Variants in STAG2 observed in about 807,000 individuals in gnomAD.
STAG2 encodes STAG2 cohesin complex component.
Under a neutral mutation model 108.1 loss-of-function variants are expected in STAG2, and 14 were observed. That is an observed-to-expected ratio of 0.13 (90% confidence interval 0.09 to 0.20). The LOEUF (loss-of-function observed/expected upper bound fraction) is 0.20. Among genes scored for constraint, STAG2 ranks in the 10% least tolerant of loss-of-function variants. The pLI is 1.00. For synonymous variants in STAG2, 307 were observed against 302.7 expected, an observed-to-expected ratio of 1.01 and a Z score of -0.15; for missense variants, 440 against 940.9, an observed-to-expected ratio of 0.47 and a Z score of 6.96.
At chrX:124,042,725 G>A (rs2057755633) in intron 7 of STAG2, 80 bp downstream of exon 7, 3 of 749,045 alleles carry the variant, frequency 4.0e-6, no homozygotes, top group Middle Eastern at 3.5e-4. Context: ...TAAATTGTAA[G>A]CATTAGGCTG....
intron 1 of STAG2, among the ~76,000 whole-genome samples, chrX:124,013,343 A>ACACG (rs1186079078): frequency 8.6e-4 from 95 of 111,052 alleles, no homozygotes; most frequent in Middle Eastern, 4.7e-3. Flanking sequence ...ACACACACAC[A>ACACG]CACACGCACA....
At chrX:124,041,975 G>A (rs1388022668) in intron 6 of STAG2, among the ~76,000 whole-genome samples, 1 of 111,179 alleles carries the variant, frequency 9.0e-6, no homozygotes, top group African/African-American at 3.3e-5. Flanking sequence ...CTTTGATTAT[G>A]TACTACTTTT....
At chrX:124,072,904 C>A (rs867456931) in intron 25 of STAG2, among the ~76,000 whole-genome samples, 3 of 72,693 alleles carry the variant, frequency 4.1e-5, no homozygotes, top group African/African-American at 1.7e-4. Flanking sequence ...TTCTTTCTTT[C>A]TTTTTTTTTT....
At chrX:124,034,234 G>A (rs2057435812) in intron 5 of STAG2, among the ~76,000 whole-genome samples, 1 of 111,085 alleles carries the variant, frequency 9.0e-6, no homozygotes, top group African/African-American at 3.3e-5. Flanking sequence ...GTTTCATTAT[G>A]TTGCTCAGGC....
chrX:124,028,989 A>T (rs867593242), intron 4 of STAG2, among the ~76,000 whole-genome samples: 3 of 81,973 alleles, frequency 3.7e-5, no homozygotes, highest in African/African-American at 4.7e-5. Flanking sequence ...TTTTATTTAT[A>T]TATATATATA....
At chrX:124,010,397 A>G (rs186249868) in intron 1 of STAG2, among the ~76,000 whole-genome samples, 187 of 111,794 alleles carry the variant, frequency 1.7e-3, no homozygotes, top group Non-Finnish European at 2.6e-3. Flanking sequence ...TTTTGTGACT[A>G]GCTTATTTCA....
intron 9 of STAG2, among the ~76,000 whole-genome samples, chrX:124,048,473 C>T (rs138804257): frequency 8.9e-6 from 1 of 111,794 alleles, no homozygotes; most frequent in African/African-American, 3.2e-5. Flanking sequence ...CTCACTCTGT[C>T]TCCCAGGCTG....
intron 1 of STAG2, among the ~76,000 whole-genome samples, chrX:123,994,978 CCT>C (rs2055660558): frequency 9.0e-6 from 1 of 111,325 alleles, no homozygotes; most frequent in African/African-American, 3.3e-5. Flanking sequence ...CATTTTTTTC[CCT>C]CTCGTATAAT....
intron 8 of STAG2, among the ~76,000 whole-genome samples, chrX:124,046,139 A>C (rs1411646868): frequency 8.9e-6 from 1 of 111,850 alleles, no homozygotes; most frequent in African/African-American, 3.2e-5. Flanking sequence ...AATTGTTATG[A>C]TAGTATTCTG....
At chrX:124,061,743 CTTTTTTT>C (rs36097834) in intron 16 of STAG2, 21 bp from the exon 17 acceptor site, 179 of 477,578 alleles carry the variant, frequency 3.7e-4, no homozygotes, top group Middle Eastern at 1.3e-3. Context: ...CTCTTTCTGA[CTTTTTTT>C]TTTTTTTTTT....
intron 4 of STAG2, among the ~76,000 whole-genome samples, chrX:124,027,997 AC>A (rs1331034298): frequency 8.1e-5 from 9 of 111,442 alleles, no homozygotes; most frequent in Admixed American, 6.7e-4. Flanking sequence ...TTTCATACTG[AC>A]AGGGACTATT....
At chrX:124,053,852 A>G (rs765439668) in intron 13 of STAG2, among the ~76,000 whole-genome samples, 6 of 112,294 alleles carry the variant, frequency 5.3e-5, no homozygotes, top group Non-Finnish European at 7.5e-5. Flanking sequence ...CAAAGGAGTT[A>G]ATTTCTGCAA....
chrX:124,052,675 C>A lies in STAG2; in HGVS notation c.1196+1281C>A, dbSNP rs186893316. ...TCTGTTTGAGTCTCTGCTTTCAGTTCTTTTATGTATACCCAGAAGTGGAAT... is the reference window on the plus strand; with the variant it reads ...TCTGTTTGAGTCTCTGCTTTCAGTTATTTTATGTATACCCAGAAGTGGAAT... On this transcript the variant is annotated intron_variant, in intron 13 of 34. Coordinates refer to ENST00000371145, the MANE Select transcript of STAG2 (RefSeq NM_001042750.2). Among the ~76,000 whole-genome samples, 16 of 111,165 alleles carry A rather than the reference C, an allele frequency of 1.4e-4. No individual in the cohort carries two copies. In the East Asian group the frequency reaches 4.5e-3, roughly 31 times the overall value.
intron 1 of STAG2, among the ~76,000 whole-genome samples, chrX:123,970,040 A>T (rs1360103274): frequency 9.8e-6 from 1 of 102,152 alleles, no homozygotes; most frequent in African/African-American, 3.6e-5. Flanking sequence ...ATGACCTAAG[A>T]TAAATTTATG....
At chrX:124,025,813 G>A (rs959448197) in intron 3 of STAG2, 27 bp from the exon 4 acceptor site, 3 of 1,066,463 alleles carry the variant, frequency 2.8e-6, no homozygotes. Flanking sequence ...CTAAGGAAGG[G>A]TTTTAATTCT....
At chrX:124,033,425 C>G (rs2057406948) in intron 5 of STAG2, among the ~76,000 whole-genome samples, 1 of 111,577 alleles carries the variant, frequency 9.0e-6, no homozygotes, top group Non-Finnish European at 1.9e-5. Context: ...CTTTCTTCTG[C>G]TATCTTTTTA....
At chrX:124,051,995 T>C (rs1471935362) in intron 13 of STAG2, among the ~76,000 whole-genome samples, 2 of 112,297 alleles carry the variant, frequency 1.8e-5, no homozygotes, top group African/African-American at 6.5e-5. Flanking sequence ...AATAAGCACA[T>C]CAGTGTATTA....
chrX:124,014,164 G>A (rs1490153435), intron 1 of STAG2, among the ~76,000 whole-genome samples: 1 of 111,214 alleles, frequency 9.0e-6, no homozygotes, highest in African/African-American at 3.3e-5. Flanking sequence ...GATGTATCCC[G>A]TTTTGTAAAT....
upstream of STAG2, chrX:123,961,657 C>CCTCCCTT (rs1176268263): frequency 1.9e-5 from 2 of 103,998 alleles, no homozygotes; most frequent in Non-Finnish European, 4.0e-5. Flanking sequence ...CCTCGTGCCC[C>CCTCCCTT]CTCCCTTCTC....
Sources: allele counts gnomAD v4.1 joint callset (sites outside exome capture counted in the v4.1 genomes callset), GRCh38; gene constraint gnomAD v4.1.1; transcripts MANE v1.5; gene names NCBI Gene and HGNC (gene_info 2026-07-23, HGNC 2026-07-21).